The following EYS variants were observed in gnomAD, a reference collection of about 807,000 sequenced individuals.
EYS encodes the protein EGF-like photoreceptor maintenance factor, also known as protein eyes shut homolog.
In EYS, 250 loss-of-function variants were observed where a neutral mutation model predicts 282.1. That is an observed-to-expected ratio of 0.89 (90% CI 0.80 to 0.98). The LOEUF is 0.98. EYS is among the 50% of genes least tolerant of loss of function. The pLI is 0.00. For synonymous variants in EYS, 1,355 were observed against 1,282.9 expected (o/e 1.06, Z -1.20); for missense variants, 4,016 against 3,709.0 (o/e 1.08, Z -2.15).
intron 18 of EYS, among the ~76,000 whole-genome samples, chr6:64,900,037 A>G (rs965577131): frequency 6.6e-6 from 1 of 152,224 alleles, no homozygotes; most frequent in Non-Finnish European, 1.5e-5. Flanking sequence ...ACAGATATAT[A>G]GACCAATGGA....
chr6:63,810,254 C>G (rs1771011865), intron 36 of EYS, among the ~76,000 whole-genome samples: 2 of 142,244 alleles, frequency 1.4e-5, no homozygotes, highest in South Asian at 4.8e-4. Flanking sequence ...GAGCGAGATT[C>G]CATCTCAAAA....
At chr6:64,277,081 C>T (rs1407893699) in intron 30 of EYS, among the ~76,000 whole-genome samples, 2 of 152,084 alleles carry the variant, frequency 1.3e-5, no homozygotes, top group African/African-American at 4.8e-5. Flanking sequence ...CCTATTAATA[C>T]ATAGAATACA....
intron 1 of EYS, among the ~76,000 whole-genome samples, chr6:65,677,599 C>G (rs999634688): frequency 6.6e-6 from 1 of 151,832 alleles, no homozygotes; most frequent in African/African-American, 2.4e-5. Context: ...ATATTGGAAG[C>G]CTTAATATTA....
At chr6:65,575,312 G>C (rs1002163774) in intron 2 of EYS, among the ~76,000 whole-genome samples, 9 of 117,994 alleles carry the variant, frequency 7.6e-5, no homozygotes, top group African/African-American at 2.7e-4. Flanking sequence ...GGGTGACAGA[G>C]TGGGACTTCC....
intron 29 of EYS, among the ~76,000 whole-genome samples, chr6:64,347,120 T>G (rs576780012): frequency 1.3e-5 from 2 of 151,496 alleles, no homozygotes; most frequent in African/African-American, 4.8e-5. Context: ...AAGGCACTAG[T>G]TTCTTCAAAA....
In EYS at chr6:64,341,820, T is replaced by C. The variant is rs564950088; in HGVS notation, c.6079-34738A>G. On this transcript the variant is annotated intron_variant, in intron 29 of 42. Transcript: ENST00000503581. ...CATTAATCTCTATGTCAGTGTCTCC[T>C]TTCCATAGAACTCAATCTGCAACAG... 5.3e-4 allele frequency among the ~76,000 whole-genome samples: 81 copies of C among 151,730 alleles called. 1 individual carries two copies. Among genetic ancestry groups the C allele is most frequent in the Middle Eastern group, 6.8e-3 (2 of 294 alleles).
chr6:63,800,137 C>T (rs1180342379), intron 37 of EYS, among the ~76,000 whole-genome samples: 2 of 152,180 alleles, frequency 1.3e-5, no homozygotes, highest in African/African-American at 2.4e-5. Context: ...GATGAGATTT[C>T]TACTTTCTGA....
At chr6:63,994,163 T>C (rs1403243453) in intron 34 of EYS, among the ~76,000 whole-genome samples, 2 of 151,942 alleles carry the variant, frequency 1.3e-5, no homozygotes, top group Non-Finnish European at 2.9e-5. Context: ...AATTCAGAAC[T>C]TAGCTGAGGT....
intron 35 of EYS, among the ~76,000 whole-genome samples, chr6:63,875,399 T>C (rs984126974): frequency 9.2e-5 from 14 of 152,246 alleles, no homozygotes; most frequent in African/African-American, 2.9e-4. Context: ...GATTTTTGCA[T>C]TGATGTTCAT....
intron 22 of EYS, among the ~76,000 whole-genome samples, chr6:64,660,038 A>C (rs1286043053): frequency 2.6e-5 from 4 of 152,218 alleles, no homozygotes; most frequent in Admixed American, 6.5e-5. Context: ...CTTATCCACT[A>C]TGATCAAGCA....
intron 35 of EYS, among the ~76,000 whole-genome samples, chr6:63,881,812 A>G (rs952140605): frequency 6.6e-6 from 1 of 152,188 alleles, no homozygotes; most frequent in African/African-American, 2.4e-5. Flanking sequence ...GGTTTATATT[A>G]GTTGTTTTCA....
At chr6:64,932,175 T>A (rs548699955) in intron 15 of EYS, among the ~76,000 whole-genome samples, 124 of 152,128 alleles carry the variant, frequency 8.2e-4, no homozygotes, top group African/African-American at 2.9e-3. Context: ...TTCAATGGAC[T>A]TGAAATCCAA....
chr6:64,560,117 C>A (rs1765350551), intron 26 of EYS, among the ~76,000 whole-genome samples: 1 of 151,962 alleles, frequency 6.6e-6, no homozygotes, highest in Non-Finnish European at 1.5e-5. Context: ...CCATTATTTT[C>A]ATTTGGCAAG....
At chr6:65,191,254 T>A (rs1455688927) in intron 12 of EYS, among the ~76,000 whole-genome samples, 2 of 151,864 alleles carry the variant, frequency 1.3e-5, no homozygotes, top group African/African-American at 4.8e-5. Flanking sequence ...AATTTATATG[T>A]TTAGTTTTGA....
At chr6:64,168,448 A>G (rs1764372206) in intron 31 of EYS, among the ~76,000 whole-genome samples, 1 of 152,208 alleles carries the variant, frequency 6.6e-6, no homozygotes, top group Admixed American at 6.5e-5. Flanking sequence ...ACTCCTAGGT[A>G]TCTAAGCAAG....
At chr6:64,904,528 T>A (rs1273004670) in intron 16 of EYS, among the ~76,000 whole-genome samples, 3 of 152,202 alleles carry the variant, frequency 2.0e-5, no homozygotes, top group African/African-American at 7.2e-5. Flanking sequence ...TCAAAAGATG[T>A]TTAATTCTTT....
intron 12 of EYS, among the ~76,000 whole-genome samples, chr6:65,074,772 T>C (rs918966758): frequency 4.6e-5 from 7 of 151,874 alleles, no homozygotes; most frequent in Middle Eastern, 3.2e-3. Context: ...AGGAACATAA[T>C]TGACTGCTGA....
chr6:65,305,462 T>G (rs1171860820), intron 11 of EYS, among the ~76,000 whole-genome samples: 4 of 152,242 alleles, frequency 2.6e-5, no homozygotes, highest in Admixed American at 6.5e-5. Flanking sequence ...TTTAAAGGTA[T>G]TTAGAGATTC....
rs1029188472 is a variant in EYS at position 63,900,061 on chromosome 6, C to T, written c.7056-35703G>A. Among the ~76,000 whole-genome samples the T allele has an allele frequency of 5.9e-5, 9 of 152,168 alleles. No homozygotes were observed. In the East Asian group the frequency reaches 7.7e-4, roughly 13 times the overall value. The stretch of plus-strand genomic sequence containing the variant: ...TAGTGCAGTAATTGGAAAATAATCA[C>T]GTAGAGCTACGGTTTGCTTTGTACC... On this transcript the variant is annotated intron_variant, in intron 35 of 42. Transcript: ENST00000503581.
Sources: allele counts gnomAD v4.1 joint callset (sites outside exome capture counted in the v4.1 genomes callset), GRCh38; gene constraint gnomAD v4.1.1; transcripts MANE v1.5; gene names NCBI Gene and HGNC (gene_info 2026-07-23, HGNC 2026-07-21).